SAMD5: variants seen among roughly 807,000 people sequenced by gnomAD.
SAMD5 encodes sterile alpha motif domain-containing protein 5.
SAMD5 carries 13 observed loss-of-function variants against 11.3 expected under a neutral mutation model. That is an observed-to-expected ratio of 1.15 (90% CI 0.75 to 1.83). The LOEUF is 1.83. Among genes scored for constraint, SAMD5 ranks in the 40% most tolerant of loss-of-function variants. The pLI is 0.00. For synonymous variants in SAMD5, 129 were observed against 111.3 expected, an observed-to-expected ratio of 1.16 and a Z score of -1.00; for missense variants, 255 against 239.1, an observed-to-expected ratio of 1.07 and a Z score of -0.44.
intron 1 of SAMD5, among the ~76,000 whole-genome samples, chr6:147,649,713 C>T (rs546421748): frequency 1.3e-5 from 2 of 151,834 alleles, no homozygotes; most frequent in South Asian, 4.2e-4. Flanking sequence ...ATCGCCTGAA[C>T]CCAGGAGGCA....
the SAMD5 span, among the ~76,000 whole-genome samples, chr6:147,754,142 G>A: frequency 2.0e-5 from 3 of 152,122 alleles, no homozygotes; most frequent in South Asian, 2.1e-4. Context: ...TTCCATAGTG[G>A]CTGTACTCAT....
rs78412457 is a variant in SAMD5 at position 147,560,643 on chromosome 6, C to T, written c.460-3751C>T. 9.0e-3 allele frequency among the ~76,000 whole-genome samples: 1,375 copies of T among 152,118 alleles called. 10 individuals carry two copies. The highest frequency in any genetic ancestry group is 0.014 in the Non-Finnish European group (936 of 67,988). ...CTTTAATTAGGAGGAAAATCACAAG[C>T]TAAAAAGAGTAACAGACTTGAAGTC... On this transcript the variant is annotated intron_variant, in intron 1 of 1. Coordinates refer to ENST00000367474, the MANE Select transcript of SAMD5 (RefSeq NM_001030060.3).
intron 1 of SAMD5, among the ~76,000 whole-genome samples, chr6:147,664,100 C>A (rs575198670): frequency 6.6e-6 from 1 of 152,096 alleles, no homozygotes; most frequent in African/African-American, 2.4e-5. Flanking sequence ...CTCATTCCAC[C>A]TTCACTCAAC....
At chr6:147,715,205 C>G (rs1284837094) in intron 1 of SAMD5, among the ~76,000 whole-genome samples, 1 of 152,180 alleles carries the variant, frequency 6.6e-6, no homozygotes, top group Non-Finnish European at 1.5e-5. Context: ...GCTTGGCAGG[C>G]TTCTCTCAGC....
chr6:147,556,809 A>T (rs1005135783), intron 1 of SAMD5, among the ~76,000 whole-genome samples: 2 of 152,230 alleles, frequency 1.3e-5, no homozygotes, highest in African/African-American at 4.8e-5. Flanking sequence ...TTCAATTTTA[A>T]TTTATCAGAA....
the SAMD5 span, among the ~76,000 whole-genome samples, chr6:147,783,476 C>A: frequency 6.6e-6 from 1 of 152,056 alleles, no homozygotes; most frequent in Non-Finnish European, 1.5e-5. Flanking sequence ...TAACTGCAAC[C>A]TCCACCTCCT....
chr6:147,759,560 G>A, the SAMD5 span, among the ~76,000 whole-genome samples: 1 of 150,490 alleles, frequency 6.6e-6, no homozygotes, highest in Non-Finnish European at 1.5e-5. Flanking sequence ...TATCTAATAT[G>A]TATAACTTAT....
intron 1 of SAMD5, among the ~76,000 whole-genome samples, chr6:147,590,163 T>C (rs1169717432): frequency 6.6e-6 from 1 of 152,166 alleles, no homozygotes; most frequent in Admixed American, 6.5e-5. Context: ...TTTATCCTGT[T>C]TATTTGAAGT....
intron 1 of SAMD5, among the ~76,000 whole-genome samples, chr6:147,590,178 G>A (rs1789432702): frequency 6.6e-6 from 1 of 152,182 alleles, no homozygotes; most frequent in Admixed American, 6.5e-5. Flanking sequence ...TGAAGTGAGA[G>A]CCAGAATCAT....
At chr6:147,791,093 G>A in the SAMD5 span, among the ~76,000 whole-genome samples, 9 of 151,854 alleles carry the variant, frequency 5.9e-5, no homozygotes, top group African/African-American at 2.2e-4. Context: ...TCAGGAGTTC[G>A]AGACCAGCCT....
chr6:147,628,314 CATAAA>C (rs1790088585), intron 1 of SAMD5, among the ~76,000 whole-genome samples: 1 of 152,160 alleles, frequency 6.6e-6, no homozygotes, highest in South Asian at 2.1e-4. Flanking sequence ...CTGTGGTTAA[CATAAA>C]AGATAATTTT....
At chr6:147,589,351 C>T (rs191834517) in intron 1 of SAMD5, among the ~76,000 whole-genome samples, 6 of 152,114 alleles carry the variant, frequency 3.9e-5, no homozygotes, top group Non-Finnish European at 8.8e-5. Flanking sequence ...TTTAAAACAC[C>T]CTCCACATAT....
intron 1 of SAMD5, among the ~76,000 whole-genome samples, chr6:147,731,203 C>A (rs1013053644): frequency 1.3e-5 from 2 of 152,136 alleles, no homozygotes; most frequent in Non-Finnish European, 2.9e-5. Flanking sequence ...ACATTTCACA[C>A]CAGTGCCCAA....
the SAMD5 span, among the ~76,000 whole-genome samples, chr6:147,794,040 C>G: frequency 5.3e-5 from 8 of 152,140 alleles, no homozygotes; most frequent in Non-Finnish European, 1.2e-4. Flanking sequence ...AAAAACTTGC[C>G]TCCAAGGTGA....
At chr6:147,778,431 C>T in the SAMD5 span, among the ~76,000 whole-genome samples, 1 of 152,156 alleles carries the variant, frequency 6.6e-6, no homozygotes, top group African/African-American at 2.4e-5. Flanking sequence ...ATGTCCAAAA[C>T]CGAAGGCAGA....
chr6:147,540,537 G>T lies in SAMD5; in HGVS notation c.460-23857G>T, dbSNP rs374209228. On this transcript the variant is annotated intron_variant, in intron 1 of 1. Coordinates refer to ENST00000367474, the MANE Select transcript of SAMD5 (RefSeq NM_001030060.3). ...TTTCATACAGTATTTATTGGTTTCA[G>T]AGACCTGTAGCAAAGTTTGTAACTG... 3.9e-5 allele frequency among the ~76,000 whole-genome samples: 6 copies of T among 152,308 alleles called. 1 individual carries two copies. Among genetic ancestry groups the T allele is most frequent in the African/African-American group, 1.2e-4 (5 of 41,566 alleles).
intron 1 of SAMD5, among the ~76,000 whole-genome samples, chr6:147,560,998 G>A (rs1788939007): frequency 6.6e-6 from 1 of 152,156 alleles, no homozygotes. Flanking sequence ...TAACTGTGAT[G>A]TAAACCTTTT....
chr6:147,825,464 G>GA, the SAMD5 span, among the ~76,000 whole-genome samples: 2 of 152,022 alleles, frequency 1.3e-5, no homozygotes, highest in Non-Finnish European at 2.9e-5. Context: ...TCTTAATTTG[G>GA]TTCTTGGCAT....
At chr6:147,730,074 CAAAA>C (rs34624038) in intron 1 of SAMD5, 447 of 306,038 alleles carry the variant, frequency 1.5e-3, no homozygotes, top group South Asian at 2.4e-3. Flanking sequence ...GACTCTGTCT[CAAAA>C]AAAAAAAAAA....
Sources: gnomAD v4.1 joint callset for allele counts (sites outside exome capture counted in the v4.1 genomes callset) on GRCh38, gnomAD v4.1.1 for gene constraint, MANE v1.5 for transcripts, NCBI Gene and HGNC (gene_info 2026-07-23, HGNC 2026-07-21) for gene names.